The following ENOX1 variants were observed in gnomAD, a reference collection of about 807,000 sequenced individuals.
ENOX1 encodes ecto-NOX disulfide-thiol exchanger 1, also known as candidate growth-related and time keeping constitutive hydroquinone (NADH) oxidase.
Under a neutral mutation model 82.5 loss-of-function variants are expected in ENOX1, and 42 were observed. The observed-to-expected ratio is 0.51, with a 90% CI of 0.40 to 0.66. ENOX1 has a LOEUF of 0.66. Among genes scored for constraint, ENOX1 ranks in the 30% least tolerant of loss-of-function variants. The probability of loss-of-function intolerance (pLI) is 0.00; values close to 1 mark genes in which losing one functional copy is unlikely to be tolerated. For synonymous variants in ENOX1, 271 were observed against 282.2 expected (o/e 0.96, Z 0.40); for missense variants, 608 against 811.6 (o/e 0.75, Z 3.05).
At chr13:43,533,878 C>G (rs1035044902) in intron 2 of ENOX1, among the ~76,000 whole-genome samples, 1 of 151,982 alleles carries the variant, frequency 6.6e-6, no homozygotes, top group African/African-American at 2.4e-5. Flanking sequence ...GTTTGAGCAC[C>G]CATTTTTTAG....
intron 2 of ENOX1, among the ~76,000 whole-genome samples, chr13:43,616,112 C>CTATCTATATAGATATCTA (rs1555341694): frequency 4.0e-5 from 2 of 50,110 alleles, no homozygotes; most frequent in African/African-American, 1.3e-4. Context: ...AGATAGATAT[C>CTATCTATATAGATATCTA]TATAGATCTA....
chr13:43,277,909 G>A (rs1407541834), intron 12 of ENOX1, among the ~76,000 whole-genome samples: 2 of 152,192 alleles, frequency 1.3e-5, no homozygotes, highest in South Asian at 4.1e-4. Flanking sequence ...AACACAGGAA[G>A]CCATCTGAGA....
At chr13:43,712,949 G>A (rs996866777) in intron 1 of ENOX1, among the ~76,000 whole-genome samples, 6 of 152,076 alleles carry the variant, frequency 3.9e-5, no homozygotes, top group Admixed American at 6.5e-5. Flanking sequence ...CCAACACTAT[G>A]TTGAATAAGA....
At chr13:43,341,946 C>T (rs1436887443) in intron 9 of ENOX1, among the ~76,000 whole-genome samples, 6 of 152,210 alleles carry the variant, frequency 3.9e-5, no homozygotes, top group African/African-American at 1.4e-4. Context: ...TATAATGACG[C>T]AACTCCTTCC....
intron 10 of ENOX1, 144 bp from the exon 11 acceptor site, chr13:43,322,645 G>A: frequency 1.5e-6 from 1 of 656,318 alleles, no homozygotes; most frequent in South Asian, 2.1e-5. Context: ...ACCTAAAGGA[G>A]GTTCTGAGGG....
At chr13:43,783,071 T>G (rs1952367272) in intron 1 of ENOX1, among the ~76,000 whole-genome samples, 1 of 152,228 alleles carries the variant, frequency 6.6e-6, no homozygotes, top group African/African-American at 2.4e-5. Flanking sequence ...TTAGCTATAA[T>G]GTACAGGTAT....
At chr13:43,574,027 G>A (rs1457636850) in intron 2 of ENOX1, among the ~76,000 whole-genome samples, 1 of 152,162 alleles carries the variant, frequency 6.6e-6, no homozygotes, top group African/African-American at 2.4e-5. Flanking sequence ...TGTACAAAAT[G>A]CCTTTAAGCC....
chr13:43,345,089 A>G (rs559833683), intron 8 of ENOX1, among the ~76,000 whole-genome samples: 1 of 152,258 alleles, frequency 6.6e-6, no homozygotes, highest in East Asian at 1.9e-4. Context: ...GACTTGAAAA[A>G]CTGTTACTAA....
At chr13:43,754,035 T>TATATACACATATATACATATATAC (rs1566880724) in intron 1 of ENOX1, among the ~76,000 whole-genome samples, 5 of 126,080 alleles carry the variant, frequency 4.0e-5, no homozygotes, top group Non-Finnish European at 8.3e-5. Context: ...TACATATATA[T>TATATACACATATATACATATATAC]GTATATAAAT....
chr13:43,440,564 A>G (rs1193222710), intron 3 of ENOX1, among the ~76,000 whole-genome samples: 1 of 152,196 alleles, frequency 6.6e-6, no homozygotes, highest in Admixed American at 6.5e-5. Flanking sequence ...AAATTTGCCA[A>G]GCAACTACTA....
chr13:43,304,127 C>T (rs1009783995), intron 11 of ENOX1, among the ~76,000 whole-genome samples: 7 of 152,198 alleles, frequency 4.6e-5, no homozygotes, highest in African/African-American at 9.7e-5. Context: ...CAGCTTGCCC[C>T]GTGCCCTGGC....
intron 8 of ENOX1, among the ~76,000 whole-genome samples, chr13:43,353,176 C>T (rs1248655204): frequency 4.6e-5 from 7 of 152,194 alleles, no homozygotes; most frequent in African/African-American, 7.2e-5. Context: ...AGAAATTCAA[C>T]GTGCTCATAG....
intron 3 of ENOX1, among the ~76,000 whole-genome samples, chr13:43,450,397 A>G (rs1214257345): frequency 6.6e-6 from 1 of 152,214 alleles, no homozygotes; most frequent in Non-Finnish European, 1.5e-5. Flanking sequence ...AAGTACGACG[A>G]GGCCAACAGA....
rs528886963 is a variant in ENOX1 at position 43,240,568 on chromosome 13, T to TAA, written c.1612-3832_1612-3831dup. Among the ~76,000 whole-genome samples the TAA allele has an allele frequency of 4.8e-5, 7 of 146,686 alleles. No homozygotes were observed. The East Asian group carries it at 1.4e-3, about 29-fold the overall frequency. The stretch of plus-strand genomic sequence containing the variant: ...GCAAACAGCATTTAAGAGGTGGAAC[T>TAA]AAAAAAAAAAATCTGGTGACCTGGT... On this transcript the variant is annotated intron_variant, in intron 14 of 16. Coordinates refer to ENST00000690772, the MANE Select transcript of ENOX1 (RefSeq NM_001347969.2).
chr13:43,580,619 C>T (rs1240364465), intron 2 of ENOX1, among the ~76,000 whole-genome samples: 2 of 152,194 alleles, frequency 1.3e-5, no homozygotes, highest in African/African-American at 4.8e-5. Context: ...ATCCTATATA[C>T]ACATTTGGGG....
At chr13:43,709,009 T>C (rs1450010863) in intron 1 of ENOX1, among the ~76,000 whole-genome samples, 4 of 152,132 alleles carry the variant, frequency 2.6e-5, no homozygotes, top group Non-Finnish European at 5.9e-5. Context: ...ATAAAATTAC[T>C]GGGGTAAAAA....
chr13:43,730,883 C>A (rs1288128475), intron 1 of ENOX1, among the ~76,000 whole-genome samples: 1 of 152,140 alleles, frequency 6.6e-6, no homozygotes, highest in Non-Finnish European at 1.5e-5. Flanking sequence ...CTCCAGGAAG[C>A]ATTTCCTGTC....
chr13:43,456,052 T>G (rs1182272979), intron 3 of ENOX1, among the ~76,000 whole-genome samples: 40 of 152,184 alleles, frequency 2.6e-4, no homozygotes, highest in Admixed American at 2.6e-3. Flanking sequence ...TCATTTTATA[T>G]TCTTCTATAA....
Position 43,344,604 on chromosome 13 carries a change from G to A in ENOX1, c.970C>T (p.His324Tyr). ...TTGGCTTCCTCCATCTCTTGCTCAT[G>A]GGTGGCTTTTTCATTCATTAGCCGG... ...VRRLMNEKAT[H>Y]EQEMEEAKEN... Residue 324 changes from histidine to tyrosine, a missense_variant, in exon 9 of 17, where the codon CAT becomes TAT. Coordinates refer to ENST00000690772, the MANE Select transcript of ENOX1 (RefSeq NM_001347969.2). The A allele has an allele frequency of 6.2e-7, 1 of 1,614,086 alleles. No homozygotes were observed. Among genetic ancestry groups the A allele is most frequent in the Admixed American group, 1.7e-5 (1 of 60,020 alleles).
Sources: allele counts gnomAD v4.1 joint callset (sites outside exome capture counted in the v4.1 genomes callset), GRCh38; gene constraint gnomAD v4.1.1; transcripts MANE v1.5; gene names NCBI Gene and HGNC (gene_info 2026-07-23, HGNC 2026-07-21).